RGL1: variants seen among roughly 807,000 people sequenced by gnomAD.
RGL1 encodes ral guanine nucleotide dissociation stimulator-like 1.
Under a neutral mutation model 95.2 loss-of-function variants are expected in RGL1, and 24 were observed. The observed-to-expected ratio is 0.25, with a 90% confidence interval of 0.18 to 0.35. The LOEUF (loss-of-function observed/expected upper bound fraction) is 0.35, where lower values mean the gene tolerates loss of function less well. RGL1 is among the 10% of genes least tolerant of loss of function. The pLI is 1.00. For missense variants in RGL1, 715 were observed against 936.3 expected, an observed-to-expected ratio of 0.76 and a Z score of 3.08; for synonymous variants, 329 against 344.9, an observed-to-expected ratio of 0.95 and a Z score of 0.51.
chr1:183,851,472 T>C (rs1649424354), intron 3 of RGL1, among the ~76,000 whole-genome samples: 1 of 152,218 alleles, frequency 6.6e-6, no homozygotes, highest in African/African-American at 2.4e-5. Context: ...TCTTTTTCTT[T>C]GAGAGGATCC....
intron 7 of RGL1, among the ~76,000 whole-genome samples, chr1:183,886,648 A>C (rs1017807413): frequency 7.9e-5 from 12 of 152,136 alleles, no homozygotes; most frequent in African/African-American, 2.9e-4. Context: ...AAGGGCTCTT[A>C]CTTTTTTTTT....
chr1:183,921,879 G>A (rs1572608726), intron 16 of RGL1, among the ~76,000 whole-genome samples: 1 of 152,204 alleles, frequency 6.6e-6, no homozygotes, highest in East Asian at 1.9e-4. Flanking sequence ...TTTGGGCCAG[G>A]ACTAATAATG....
chr1:183,820,469 A>C (rs899983978), intron 2 of RGL1, among the ~76,000 whole-genome samples: 9 of 152,204 alleles, frequency 5.9e-5, no homozygotes, highest in Admixed American at 5.2e-4. Flanking sequence ...TGGGGCTTGC[A>C]TGAGGACCCT....
chr1:183,727,406 A>G (rs1461567567), intron 1 of RGL1, among the ~76,000 whole-genome samples: 1 of 152,216 alleles, frequency 6.6e-6, no homozygotes, highest in Non-Finnish European at 1.5e-5. Flanking sequence ...ACACATTTCT[A>G]TGAATATACT....
chr1:183,871,184 T>A (rs770422344), intron 4 of RGL1, among the ~76,000 whole-genome samples: 4 of 152,194 alleles, frequency 2.6e-5, no homozygotes, highest in Non-Finnish European at 5.9e-5. Flanking sequence ...CGACCACTTT[T>A]CTCTGTTGGA....
intron 1 of RGL1, among the ~76,000 whole-genome samples, chr1:183,705,360 G>A (rs1654847532): frequency 6.6e-6 from 1 of 152,080 alleles, no homozygotes; most frequent in South Asian, 2.1e-4. Flanking sequence ...GAGACCTGAT[G>A]CCCCCATTCT....
chr1:183,818,197 G>A (rs1045419800), intron 2 of RGL1, among the ~76,000 whole-genome samples: 1 of 152,180 alleles, frequency 6.6e-6, no homozygotes, highest in Non-Finnish European at 1.5e-5. Flanking sequence ...CAGCAGCAGG[G>A]ATGATGATCC....
Position 183,921,473 on chromosome 1 carries a change from T to G in RGL1, c.2005-749T>G, listed in dbSNP as rs755808239. 2.0e-5 allele frequency among the ~76,000 whole-genome samples: 3 copies of G among 152,218 alleles called. No homozygotes were observed. In the East Asian group the frequency reaches 5.8e-4, roughly 29 times the overall value. The stretch of plus-strand genomic sequence containing the variant: ...TTTTCCTTTTTTTGAAAGAATAGAC[T>G]CCACTGGTATGTAATCTTTTGTGTC... On this transcript the variant is annotated intron_variant, in intron 16 of 17. Coordinates refer to ENST00000360851, the MANE Select transcript of RGL1 (RefSeq NM_001297671.3).
At position 183,649,383 on chromosome 1, in the gene RGL1, TG is replaced by T. The variant is rs1193983604; in HGVS notation, c.-33+12883del. Among the ~76,000 whole-genome samples the T allele has an allele frequency of 4.6e-5, 7 of 152,382 alleles. No homozygotes were observed. The East Asian group carries it at 1.3e-3, about 29-fold the overall frequency. Reference sequence around the variant, plus strand: ...AAAAAAGTGTTTTGCATTTTGTTCATGATCTTTCTTCTCAGAATATGTTAAC... The same window carrying T: ...AAAAAAGTGTTTTGCATTTTGTTCATATCTTTCTTCTCAGAATATGTTAAC... On this transcript the variant is annotated intron_variant, in intron 1 of 18. Coordinates refer to the RGL1 transcript ENST00000304685.
chr1:183,754,792 T>C (rs1658231657), intron 2 of RGL1: 1 of 152,160 alleles, frequency 6.6e-6, no homozygotes, highest in Non-Finnish European at 1.5e-5. Flanking sequence ...GAAATACAAA[T>C]TGAATTTTGG....
At chr1:183,814,478 C>T (rs1349209874) in intron 2 of RGL1, among the ~76,000 whole-genome samples, 4 of 152,140 alleles carry the variant, frequency 2.6e-5, no homozygotes, top group African/African-American at 9.7e-5. Flanking sequence ...CATGTAATTG[C>T]TTATGCCATC....
At chr1:183,704,857 A>G (rs1367734823) in intron 1 of RGL1, among the ~76,000 whole-genome samples, 1 of 152,194 alleles carries the variant, frequency 6.6e-6, no homozygotes, top group African/African-American at 2.4e-5. Flanking sequence ...AAGGGTGAGG[A>G]TAGCAGCTGC....
chr1:183,665,316 CA>C (rs1469118489), intron 1 of RGL1, among the ~76,000 whole-genome samples: 2 of 152,086 alleles, frequency 1.3e-5, no homozygotes, highest in Non-Finnish European at 2.9e-5. Context: ...AGAATTTTCA[CA>C]TCTATGTTCA....
chr1:183,830,529 A>G (rs1009766900), intron 2 of RGL1, among the ~76,000 whole-genome samples: 2 of 152,166 alleles, frequency 1.3e-5, no homozygotes, highest in African/African-American at 4.8e-5. Context: ...AAGTAAGTGC[A>G]TATTCCCACT....
intron 15 of RGL1, among the ~76,000 whole-genome samples, chr1:183,913,058 A>T (rs1668739824): frequency 6.6e-6 from 1 of 152,168 alleles, no homozygotes; most frequent in Non-Finnish European, 1.5e-5. Context: ...CCATGTTGGA[A>T]AAAAGGAAAC....
chr1:183,723,642 C>T (rs977782274), intron 1 of RGL1, among the ~76,000 whole-genome samples: 2 of 152,178 alleles, frequency 1.3e-5, no homozygotes, highest in Non-Finnish European at 2.9e-5. Context: ...GGGCTTTATC[C>T]ATCCTAGCAG....
At chr1:183,864,989 A>G (rs904094172) in intron 3 of RGL1, among the ~76,000 whole-genome samples, 1 of 152,248 alleles carries the variant, frequency 6.6e-6, no homozygotes, top group African/African-American at 2.4e-5. Context: ...ATGTAAACTC[A>G]TCAATTATAG....
intron 2 of RGL1, among the ~76,000 whole-genome samples, chr1:183,789,882 C>T (rs904591465): frequency 2.7e-5 from 4 of 148,294 alleles, no homozygotes; most frequent in Admixed American, 6.7e-5. Flanking sequence ...TAGCAAAAAC[C>T]GCAATTACAT....
intron 2 of RGL1, among the ~76,000 whole-genome samples, chr1:183,762,511 C>T (rs531018277): frequency 6.3e-4 from 96 of 152,160 alleles, no homozygotes; most frequent in Admixed American, 8.5e-4. Context: ...TGAAATATTG[C>T]GAGAAAATTA....
Sources: gnomAD v4.1 joint callset for allele counts (sites outside exome capture counted in the v4.1 genomes callset) on GRCh38, gnomAD v4.1.1 for gene constraint, MANE v1.5 for transcripts, NCBI Gene and HGNC (gene_info 2026-07-23, HGNC 2026-07-21) for gene names.